DOK6: variants seen among roughly 807,000 people sequenced by gnomAD.
DOK6 encodes the protein docking protein 6.
DOK6 carries 22 observed loss-of-function variants against 44.0 expected under a neutral mutation model. The ratio of observed to expected loss-of-function variants is 0.50; its 90% confidence interval spans 0.36 to 0.71. DOK6 has a LOEUF of 0.71. Ranked by LOEUF, DOK6 falls within the 30% of genes least tolerant of loss-of-function variation. The pLI, the probability that DOK6 is intolerant of heterozygous loss-of-function variation, is 0.00. For synonymous variants in DOK6, 166 were observed against 145.5 expected (o/e 1.14, Z -1.01); for missense variants, 340 against 416.4 (o/e 0.82, Z 1.60).
intron 1 of DOK6, among the ~76,000 whole-genome samples, chr18:69,446,421 G>A (rs1355733928): frequency 1.3e-5 from 2 of 152,010 alleles, no homozygotes; most frequent in Non-Finnish European, 2.9e-5. Context: ...ATTCCATGGT[G>A]TATATGTGCC....
intron 4 of DOK6, among the ~76,000 whole-genome samples, chr18:69,690,107 A>C (rs1240549619): frequency 1.3e-5 from 2 of 152,160 alleles, no homozygotes; most frequent in African/African-American, 4.8e-5. Context: ...TTTACTTGGA[A>C]ATGCAGATAA....
At chr18:69,762,262 G>C (rs1032014322) in intron 7 of DOK6, among the ~76,000 whole-genome samples, 2 of 152,168 alleles carry the variant, frequency 1.3e-5, no homozygotes, top group African/African-American at 2.4e-5. Context: ...GGGTCACTGA[G>C]CCTGGGAAGT....
intron 5 of DOK6, among the ~76,000 whole-genome samples, chr18:69,709,317 T>A (rs900287319): frequency 1.3e-5 from 2 of 152,170 alleles, no homozygotes; most frequent in Admixed American, 6.5e-5. Context: ...TTGTCAAAAT[T>A]CCTTATAAAT....
At chr18:69,548,446 T>A (rs1982470259) in intron 1 of DOK6, among the ~76,000 whole-genome samples, 2 of 151,656 alleles carry the variant, frequency 1.3e-5, no homozygotes, top group Non-Finnish European at 2.9e-5. Context: ...AGAGAGCCAC[T>A]GCATTTATTT....
chr18:69,624,290 A>G (rs1214972555), intron 3 of DOK6, among the ~76,000 whole-genome samples: 1 of 152,162 alleles, frequency 6.6e-6, no homozygotes, highest in Non-Finnish European at 1.5e-5. Flanking sequence ...GATTTAGTAA[A>G]TCATAATCAT....
intron 1 of DOK6, among the ~76,000 whole-genome samples, chr18:69,457,182 CT>C (rs1253424094): frequency 6.6e-6 from 1 of 151,956 alleles, no homozygotes; most frequent in Non-Finnish European, 1.5e-5. Flanking sequence ...TTTTGGTTTT[CT>C]TGCAATTGCT....
At chr18:69,513,397 C>T (rs185950326) in intron 1 of DOK6, among the ~76,000 whole-genome samples, 1,994 of 152,266 alleles carry the variant, frequency 0.013, 37 homozygotes, top group African/African-American at 0.046. Context: ...CACGCACACT[C>T]TCTCTCAGAG....
At chr18:69,405,306 A>G (rs1717763517) in intron 1 of DOK6, among the ~76,000 whole-genome samples, 1 of 152,138 alleles carries the variant, frequency 6.6e-6, no homozygotes, top group African/African-American at 2.4e-5. Context: ...TCACCCTTTT[A>G]TAGAAGCTCA....
At chr18:69,707,444 T>C (rs917698976) in intron 5 of DOK6, among the ~76,000 whole-genome samples, 1 of 152,202 alleles carries the variant, frequency 6.6e-6, no homozygotes, top group African/African-American at 2.4e-5. Context: ...TAAATATCAT[T>C]CTCCCAGCTT....
chr18:69,819,812 A>C (rs111604840), intron 7 of DOK6, among the ~76,000 whole-genome samples: 3 of 152,158 alleles, frequency 2.0e-5, no homozygotes. Context: ...AATGTCCTCC[A>C]GATTCATTTG....
chr18:69,725,076 T>C (rs1486858002), intron 5 of DOK6: 1 of 152,220 alleles, frequency 6.6e-6, no homozygotes, highest in Non-Finnish European at 1.5e-5. Context: ...GCCCCTGAAT[T>C]CTCCTGAAGG....
At chr18:69,634,343 T>G (rs566154267) in intron 3 of DOK6, among the ~76,000 whole-genome samples, 1 of 152,316 alleles carries the variant, frequency 6.6e-6, no homozygotes, top group South Asian at 2.1e-4. Flanking sequence ...GTACACCATT[T>G]TAAAGTAACC....
At chr18:69,780,005 A>G (rs1489971674) in intron 7 of DOK6, among the ~76,000 whole-genome samples, 1 of 152,174 alleles carries the variant, frequency 6.6e-6, no homozygotes, top group Admixed American at 6.6e-5. Flanking sequence ...TTAGAATTGT[A>G]CAAATAACTA....
At chr18:69,425,826 A>G (rs1978621469) in intron 1 of DOK6, among the ~76,000 whole-genome samples, 1 of 152,054 alleles carries the variant, frequency 6.6e-6, no homozygotes, top group African/African-American at 2.4e-5. Context: ...TATTGAGTTG[A>G]AATATTTCTT....
intron 2 of DOK6, among the ~76,000 whole-genome samples, chr18:69,588,660 A>G (rs889791582): frequency 6.6e-6 from 1 of 152,148 alleles, no homozygotes; most frequent in Non-Finnish European, 1.5e-5. Flanking sequence ...ACCAGGACAC[A>G]CACTGGCTGC....
intron 1 of DOK6, among the ~76,000 whole-genome samples, chr18:69,490,545 A>T (rs937919110): frequency 6.6e-6 from 1 of 152,186 alleles, no homozygotes; most frequent in Non-Finnish European, 1.5e-5. Context: ...GCCTGTTAGC[A>T]TATACTTAAG....
chr18:69,579,299 C>T (rs190653350), intron 2 of DOK6, among the ~76,000 whole-genome samples: 1 of 152,318 alleles, frequency 6.6e-6, no homozygotes, highest in East Asian at 1.9e-4. Flanking sequence ...TTAAATGCAA[C>T]TATTTCCCCA....
chr18:69,797,842 TA>T (rs923179034), intron 7 of DOK6, among the ~76,000 whole-genome samples: 1 of 152,172 alleles, frequency 6.6e-6, no homozygotes, highest in Middle Eastern at 3.4e-3. Context: ...AGTAGTGCAC[TA>T]AAAAAAGTGA....
intron 3 of DOK6, among the ~76,000 whole-genome samples, chr18:69,652,834 G>A (rs138841947): frequency 1.3e-5 from 2 of 152,026 alleles, no homozygotes; most frequent in Non-Finnish European, 2.9e-5. Flanking sequence ...TACTACATAG[G>A]CAAGCTTGAA....
Sources: allele counts gnomAD v4.1 joint callset (sites outside exome capture counted in the v4.1 genomes callset), GRCh38; gene constraint gnomAD v4.1.1; transcripts MANE v1.5; gene names NCBI Gene and HGNC (gene_info 2026-07-23, HGNC 2026-07-21).